Variants in ZNF565 observed in about 807,000 individuals in gnomAD.
ZNF565 encodes the protein zinc finger protein 565.
A neutral mutation model predicts 39.4 loss-of-function variants in ZNF565; 27 were observed. The observed-to-expected ratio is 0.69, with a 90% confidence interval of 0.51 to 0.95. ZNF565 has a LOEUF of 0.95. Among genes scored for constraint, ZNF565 ranks in the 40% least tolerant of loss-of-function variants. The pLI is 0.00. For synonymous variants in ZNF565, 185 were observed against 216.6 expected, an observed-to-expected ratio of 0.85 and a Z score of 1.28; for missense variants, 524 against 621.1, an observed-to-expected ratio of 0.84 and a Z score of 1.66.
intron 1 of ZNF565, among the ~76,000 whole-genome samples, chr19:36,244,849 T>TAAAA (rs775546485): frequency 0.075 from 9,637 of 128,894 alleles, 609 homozygotes; most frequent in East Asian, 0.32. Flanking sequence ...GACTACGTCT[T>TAAAA]AAAAAAAAAA....
At position 36,202,146 on chromosome 19, in the gene ZNF565, C is replaced by T. The variant is rs1975987352; in HGVS notation, c.-65-96G>A. On this transcript the variant is annotated intron_variant, in intron 1 of 4. Coordinates refer to ENST00000304116, the MANE Select transcript of ZNF565 (RefSeq NM_152477.5). ...GATGAGCTTAAAAGAATTGTACTTCCAATGTCTCGGATCTGCTTCTCCCAC... is the reference window on the plus strand; with the variant it reads ...GATGAGCTTAAAAGAATTGTACTTCTAATGTCTCGGATCTGCTTCTCCCAC... 1.1e-5 allele frequency: 8 copies of T among 708,610 alleles called. No homozygotes were observed. In the Admixed American group the frequency reaches 1.7e-4, roughly 15 times the overall value. 43.9% of individuals were successfully genotyped at this position (708,610 alleles called of 1,614,324 possible).
chr19:36,214,402 C>G (rs753323975), intron 1 of ZNF565, among the ~76,000 whole-genome samples: 53 of 152,164 alleles, frequency 3.5e-4, no homozygotes, highest in Non-Finnish European at 5.9e-4. Flanking sequence ...TCACAAGGAC[C>G]CTGCACCCCG....
chr19:36,235,695 A>T (rs1413075397), intron 1 of ZNF565: 1 of 152,220 alleles, frequency 6.6e-6, no homozygotes, highest in Non-Finnish European at 1.5e-5. Context: ...ATAGAGAGGC[A>T]CCAGGACTTG....
intron 1 of ZNF565, among the ~76,000 whole-genome samples, chr19:36,230,457 A>G (rs1977280005): frequency 6.6e-6 from 1 of 152,180 alleles, no homozygotes; most frequent in African/African-American, 2.4e-5. Context: ...GAATAAAGTA[A>G]GGGAAAACCG....
chr19:36,225,180 G>C (rs1977014057), intron 1 of ZNF565, among the ~76,000 whole-genome samples: 1 of 151,994 alleles, frequency 6.6e-6, no homozygotes, highest in Non-Finnish European at 1.5e-5. Flanking sequence ...ATGCTGCCTG[G>C]GTCAGTGGGA....
At chr19:36,203,951 C>CTT (rs200748754) in intron 1 of ZNF565, among the ~76,000 whole-genome samples, 3 of 138,044 alleles carry the variant, frequency 2.2e-5, no homozygotes, top group Non-Finnish European at 1.6e-5. Flanking sequence ...AAAAGAAATA[C>CTT]TTTTTTTTTT....
chr19:36,191,770 G>A (rs1975554190), intron 4 of ZNF565, among the ~76,000 whole-genome samples: 2 of 152,124 alleles, frequency 1.3e-5, no homozygotes, highest in African/African-American at 4.8e-5. Flanking sequence ...ATTAATAAAT[G>A]GTGAAGGAAT....
chr19:36,234,932 C>T (rs917998779), intron 1 of ZNF565, among the ~76,000 whole-genome samples: 5 of 151,640 alleles, frequency 3.3e-5, no homozygotes, highest in African/African-American at 1.2e-4. Context: ...ACTTTTTTTT[C>T]AGCCACCATC....
intron 1 of ZNF565, among the ~76,000 whole-genome samples, chr19:36,203,885 G>A (rs1285018097): frequency 5.3e-5 from 8 of 151,832 alleles, no homozygotes; most frequent in Non-Finnish European, 8.8e-5. Context: ...GGCCTAACAA[G>A]GGTATTAAAT....
intron 1 of ZNF565, 69 bp from the exon 2 acceptor site, chr19:36,202,119 T>G: frequency 1.2e-6 from 1 of 816,560 alleles, no homozygotes. Context: ...CACTCCCAAA[T>G]AGATGAGCTT....
In ZNF565 at chr19:36,226,361, T is replaced by C. The variant is rs73931516; in HGVS notation, c.55+19115A>G. 5.2e-3 allele frequency among the ~76,000 whole-genome samples: 794 copies of C among 152,288 alleles called. 7 individuals carry two copies. The highest frequency in any genetic ancestry group is 0.018 in the African/African-American group (760 of 41,558). On this transcript the variant is annotated intron_variant, in intron 1 of 4. Transcript: ENST00000355114. ...TATCTCTGACACACCCCATTAGGAATTGGGTGATCAAGCTTTTTCAACATA... is the reference window on the plus strand; with the variant it reads ...TATCTCTGACACACCCCATTAGGAACTGGGTGATCAAGCTTTTTCAACATA...
At chr19:36,189,891 G>A (rs571674429) in intron 4 of ZNF565, among the ~76,000 whole-genome samples, 47 of 151,296 alleles carry the variant, frequency 3.1e-4, no homozygotes, top group Non-Finnish European at 5.7e-4. Flanking sequence ...ATAAAGATGC[G>A]CGATCGATCT....
chr19:36,237,870 T>C (rs1360687414), intron 1 of ZNF565: 2 of 166,956 alleles, frequency 1.2e-5, no homozygotes, highest in Non-Finnish European at 2.9e-5. Context: ...GGGGGAAAAA[T>C]AGACCATGAA....
intron 1 of ZNF565, chr19:36,237,479 A>G: frequency 1.2e-6 from 1 of 804,532 alleles, no homozygotes; most frequent in South Asian, 2.2e-5. Context: ...ACTGAAGAGA[A>G]AGACATGCAT....
At chr19:36,236,396 T>G in intron 1 of ZNF565, 1 of 1,542,858 alleles carries the variant, frequency 6.5e-7, no homozygotes, top group Non-Finnish European at 8.7e-7. Flanking sequence ...TCAAGAAATT[T>G]TTACTGGAGA....
chr19:36,220,797 A>G (rs935416402), intron 1 of ZNF565, among the ~76,000 whole-genome samples: 78 of 152,188 alleles, frequency 5.1e-4, no homozygotes, highest in African/African-American at 1.8e-3. Context: ...AACATACTGT[A>G]TCATGTTAAA....
At chr19:36,229,567 A>AC (rs1977233248) in intron 1 of ZNF565, among the ~76,000 whole-genome samples, 1 of 152,196 alleles carries the variant, frequency 6.6e-6, no homozygotes, top group Non-Finnish European at 1.5e-5. Flanking sequence ...TCTTGAGGTA[A>AC]CCTAGGAATA....
intron 1 of ZNF565, among the ~76,000 whole-genome samples, chr19:36,202,476 T>C (rs1462774478): frequency 6.6e-6 from 1 of 151,580 alleles, no homozygotes; most frequent in East Asian, 1.9e-4. Context: ...AGCAGAAAGA[T>C]GGTTTCAAGG....
chr19:36,212,463 T>C (rs1599947311), intron 1 of ZNF565, among the ~76,000 whole-genome samples: 1 of 151,572 alleles, frequency 6.6e-6, no homozygotes, highest in African/African-American at 2.4e-5. Context: ...TCTACTAAAA[T>C]TACAAAAAAT....
Sources: allele counts gnomAD v4.1 joint callset (sites outside exome capture counted in the v4.1 genomes callset), GRCh38; gene constraint gnomAD v4.1.1; transcripts MANE v1.5; gene names NCBI Gene and HGNC (gene_info 2026-07-23, HGNC 2026-07-21).